MDGA2: variants seen among roughly 807,000 people sequenced by gnomAD.
MDGA2 encodes the protein MAM domain-containing glycosylphosphatidylinositol anchor protein 2.
A neutral mutation model predicts 117.8 loss-of-function variants in MDGA2; 40 were observed. That is an observed-to-expected ratio of 0.34 (90% CI 0.26 to 0.44). The LOEUF (loss-of-function observed/expected upper bound fraction) is 0.44. Ranked by LOEUF, MDGA2 falls within the 20% of genes least tolerant of loss-of-function variation. MDGA2 has a pLI of 1.00. For missense variants in MDGA2, 1,123 were observed against 1,250.6 expected (o/e 0.90, Z 1.54); for synonymous variants, 452 against 439.0 (o/e 1.03, Z -0.37).
chr14:47,140,502 A>G (rs1882671202), intron 4 of MDGA2, among the ~76,000 whole-genome samples: 1 of 152,136 alleles, frequency 6.6e-6, no homozygotes, highest in South Asian at 2.1e-4. Context: ...ATGGAATGGA[A>G]TAGACAGCAC....
intron 1 of MDGA2, among the ~76,000 whole-genome samples, chr14:47,566,812 G>A (rs1033967777): frequency 1.9e-4 from 29 of 151,802 alleles, no homozygotes; most frequent in South Asian, 4.2e-4. Flanking sequence ...AATGCCTTCC[G>A]TGTGCAGATC....
At chr14:47,420,608 C>T (rs1379591747) in intron 1 of MDGA2, among the ~76,000 whole-genome samples, 1 of 151,998 alleles carries the variant, frequency 6.6e-6, no homozygotes, top group African/African-American at 2.4e-5. Flanking sequence ...ACACATGTGG[C>T]CAGATGGGCT....
chr14:47,090,457 T>C (rs987225333), intron 6 of MDGA2, among the ~76,000 whole-genome samples: 4 of 152,150 alleles, frequency 2.6e-5, no homozygotes, highest in Non-Finnish European at 5.9e-5. Flanking sequence ...ATTTACAGTG[T>C]CATTTTGCAG....
chr14:47,268,274 C>T (rs1298126064), intron 2 of MDGA2, among the ~76,000 whole-genome samples: 1 of 151,960 alleles, frequency 6.6e-6, no homozygotes, highest in Admixed American at 6.6e-5. Context: ...GGGGTTTCAC[C>T]ATGTTGGCCA....
At chr14:47,023,198 T>C (rs35827043) in intron 8 of MDGA2, among the ~76,000 whole-genome samples, 199 of 102,826 alleles carry the variant, frequency 1.9e-3, no homozygotes, top group Non-Finnish European at 2.4e-3. Flanking sequence ...TTCCCACTCG[T>C]AAAAAAAAAA....
At chr14:47,050,906 C>T (rs958502740) in intron 7 of MDGA2, among the ~76,000 whole-genome samples, 2 of 151,860 alleles carry the variant, frequency 1.3e-5, no homozygotes, top group African/African-American at 4.8e-5. Flanking sequence ...GGAGTGGCAT[C>T]CTTGGAATAT....
chr14:47,137,396 T>G (rs1882507676), intron 4 of MDGA2, among the ~76,000 whole-genome samples: 1 of 152,084 alleles, frequency 6.6e-6, no homozygotes, highest in African/African-American at 2.4e-5. Flanking sequence ...GGTATCTGGG[T>G]CATGCGGGCA....
At chr14:47,607,181 T>C (rs374386359) in intron 1 of MDGA2, among the ~76,000 whole-genome samples, 85 of 152,262 alleles carry the variant, frequency 5.6e-4, no homozygotes, top group Middle Eastern at 3.4e-3. Context: ...AGAACACAAA[T>C]TGCCTGACAT....
chr14:47,617,713 T>A (rs931759418), intron 1 of MDGA2, among the ~76,000 whole-genome samples: 1 of 152,178 alleles, frequency 6.6e-6, no homozygotes, highest in Non-Finnish European at 1.5e-5. Flanking sequence ...AATTTATATT[T>A]ATTGCTTTTT....
intron 2 of MDGA2, among the ~76,000 whole-genome samples, chr14:47,284,835 A>G (rs1195307164): frequency 6.6e-6 from 1 of 152,112 alleles, no homozygotes; most frequent in African/African-American, 2.4e-5. Context: ...TATATCTTTG[A>G]CTGTCTGCCT....
intron 3 of MDGA2, among the ~76,000 whole-genome samples, chr14:47,147,677 A>G (rs1047022729): frequency 6.6e-6 from 1 of 152,196 alleles, no homozygotes; most frequent in Non-Finnish European, 1.5e-5. Flanking sequence ...GTTCTGGGGA[A>G]GGGATCTAAC....
chr14:47,009,982 T>G (rs1483125219), intron 8 of MDGA2, among the ~76,000 whole-genome samples: 1 of 151,988 alleles, frequency 6.6e-6, no homozygotes, highest in African/African-American at 2.4e-5. Context: ...CCCAACCTAT[T>G]AAGTCTGATC....
chr14:46,889,273 TTC>T (rs1173054306), intron 10 of MDGA2, among the ~76,000 whole-genome samples: 4 of 152,114 alleles, frequency 2.6e-5, no homozygotes, highest in African/African-American at 9.7e-5. Flanking sequence ...GCAAGAATTC[TTC>T]TGAGTAGGCA....
At chr14:46,930,972 T>C (rs1326308948) in intron 9 of MDGA2, among the ~76,000 whole-genome samples, 1 of 152,090 alleles carries the variant, frequency 6.6e-6, no homozygotes, top group Non-Finnish European at 1.5e-5. Context: ...ATCCTAATGC[T>C]TTGGGAGGCC....
intron 5 of MDGA2, among the ~76,000 whole-genome samples, chr14:47,106,251 A>G (rs1482865309): frequency 6.6e-6 from 1 of 152,100 alleles, no homozygotes; most frequent in African/African-American, 2.4e-5. Context: ...TAAAACTCCA[A>G]AAATTAAATT....
intron 7 of MDGA2, among the ~76,000 whole-genome samples, chr14:47,038,580 T>G (rs61992828): frequency 1.3e-5 from 2 of 152,028 alleles, no homozygotes; most frequent in South Asian, 2.1e-4. Context: ...AAAAATTGAT[T>G]TTTAGATAAA....
chr14:47,097,744 T>G (rs1388916090), intron 5 of MDGA2, among the ~76,000 whole-genome samples: 1 of 151,984 alleles, frequency 6.6e-6, no homozygotes, highest in South Asian at 2.1e-4. Context: ...GGCAGTGAGC[T>G]CCTATCAACA....
intron 1 of MDGA2, among the ~76,000 whole-genome samples, chr14:47,315,793 A>G (rs1266458054): frequency 1.3e-5 from 2 of 152,252 alleles, no homozygotes; most frequent in Non-Finnish European, 2.9e-5. Flanking sequence ...TACAATATCA[A>G]CATAATTTAG....
intron 6 of MDGA2, among the ~76,000 whole-genome samples, chr14:47,096,425 T>C (rs1224704811): frequency 6.6e-6 from 1 of 152,004 alleles, no homozygotes; most frequent in African/African-American, 2.4e-5. Flanking sequence ...TAGATCTCTA[T>C]ATAACCTCAC....
Sources: allele counts gnomAD v4.1 joint callset (sites outside exome capture counted in the v4.1 genomes callset), GRCh38; gene constraint gnomAD v4.1.1; transcripts MANE v1.5; gene names NCBI Gene and HGNC (gene_info 2026-07-23, HGNC 2026-07-21).